Variants in SEPTIN7 observed in about 807,000 individuals in gnomAD.
SEPTIN7 encodes septin 7.
SEPTIN7 carries 10 observed loss-of-function variants against 63.3 expected under a neutral mutation model. That is an observed-to-expected ratio of 0.16 (90% CI 0.10 to 0.27). SEPTIN7 has a LOEUF of 0.27. Ranked by LOEUF, SEPTIN7 falls within the 10% of genes least tolerant of loss-of-function variation. The pLI, the probability that SEPTIN7 is intolerant of heterozygous loss-of-function variation, is 1.00. For synonymous variants in SEPTIN7, 131 were observed against 165.3 expected (o/e 0.79, Z 1.59); for missense variants, 310 against 521.0 (o/e 0.59, Z 3.94).
intron 3 of SEPTIN7, among the ~76,000 whole-genome samples, chr7:35,858,751 G>A (rs572705393): frequency 8.8e-4 from 133 of 151,070 alleles, no homozygotes; most frequent in African/African-American, 3.1e-3. Flanking sequence ...CACGATCTCG[G>A]CTCACTGCAA....
chr7:35,864,739 A>T (rs1785709300), intron 4 of SEPTIN7, among the ~76,000 whole-genome samples: 1 of 152,142 alleles, frequency 6.6e-6, no homozygotes, highest in East Asian at 1.9e-4. Context: ...TTGATTAAAA[A>T]TATTGTTGGT....
intron 9 of SEPTIN7, 85 bp from the exon 10 acceptor site, chr7:35,885,743 T>C: frequency 1.9e-6 from 2 of 1,033,614 alleles, no homozygotes; most frequent in South Asian, 2.8e-5. Context: ...TTCTTGTTTT[T>C]ACACCCCAAG....
chr7:35,888,153 A>G (rs1046790332), intron 10 of SEPTIN7, among the ~76,000 whole-genome samples: 2 of 152,350 alleles, frequency 1.3e-5, no homozygotes, highest in African/African-American at 4.8e-5. Context: ...AAGAGTTACG[A>G]TATCAGCAAT....
intron 8 of SEPTIN7, 49 bp downstream of exon 8, chr7:35,882,625 C>T (rs768683430): frequency 2.3e-6 from 3 of 1,286,426 alleles, no homozygotes; most frequent in Middle Eastern, 2.8e-4. Flanking sequence ...GCCTTAAAAA[C>T]ATACTACAGC....
chr7:35,803,506 A>G (rs2115622563), intron 1 of SEPTIN7, among the ~76,000 whole-genome samples: 1 of 152,332 alleles, frequency 6.6e-6, no homozygotes, highest in South Asian at 2.1e-4. Flanking sequence ...GGTAGAGCAG[A>G]TTAGTTTCAG....
chr7:35,882,488 T>C lies in SEPTIN7; in HGVS notation c.635T>C (p.Met212Thr). ...TGACTACTTCTTCCATTTTAGATAA[T>C]GAAAGAAATCCAAGAACATAAAATT... ...EECQQFKKQI[M>T]KEIQEHKIKI... Residue 212 changes from methionine to threonine, a missense_variant, in exon 8 of 14, where the codon ATG (methionine) becomes ACG (threonine). By Grantham distance (81) the Met-to-Thr change is moderately conservative (BLOSUM62 -1). Transcript: ENST00000350320. 6.8e-7 allele frequency: 1 copy of C among 1,463,954 alleles called. No individual in the cohort carries two copies. Among genetic ancestry groups the C allele is most frequent in the Non-Finnish European group, 9.1e-7 (1 of 1,094,458 alleles). 90.7% of individuals were successfully genotyped at this position (1,463,954 alleles called of 1,614,324 possible). A position where few individuals can be genotyped will look rare whatever the true frequency, so the allele number is the denominator to read the frequency against.
At chr7:35,830,408 T>G (rs1783774610) in intron 1 of SEPTIN7, among the ~76,000 whole-genome samples, 1 of 152,116 alleles carries the variant, frequency 6.6e-6, no homozygotes, top group South Asian at 2.1e-4. Context: ...TGGAACTACT[T>G]GAGGAGCTTT....
intron 2 of SEPTIN7, chr7:35,832,101 A>T: frequency 2.2e-6 from 1 of 454,304 alleles, no homozygotes; most frequent in Non-Finnish European, 4.4e-6. Context: ...TTACTCACGA[A>T]ACTATTGTTG....
the SEPTIN7 span, among the ~76,000 whole-genome samples, chr7:35,914,989 T>C: frequency 6.6e-6 from 1 of 152,034 alleles, no homozygotes; most frequent in South Asian, 2.1e-4. Context: ...TATGCATGCG[T>C]GTGTACACAT....
chr7:35,903,693 A>T (rs1006410987), intron 13 of SEPTIN7, among the ~76,000 whole-genome samples: 1 of 152,200 alleles, frequency 6.6e-6, no homozygotes, highest in Non-Finnish European at 1.5e-5. Context: ...CTCTTAATTT[A>T]TACAAAATTC....
intron 1 of SEPTIN7, among the ~76,000 whole-genome samples, chr7:35,823,801 C>G (rs1783356765): frequency 6.6e-6 from 1 of 152,136 alleles, no homozygotes; most frequent in African/African-American, 2.4e-5. Flanking sequence ...TAGTCTCTCT[C>G]TCTATTCTTA....
chr7:35,909,133 T>G (rs1248780426), downstream of SEPTIN7, among the ~76,000 whole-genome samples: 3 of 152,202 alleles, frequency 2.0e-5, no homozygotes, highest in Non-Finnish European at 4.4e-5. Context: ...AATTTTTTTT[T>G]CCTTAGGGAT....
downstream of SEPTIN7, among the ~76,000 whole-genome samples, chr7:35,907,555 T>C (rs1788653704): frequency 6.6e-6 from 1 of 152,104 alleles, no homozygotes; most frequent in East Asian, 1.9e-4. Flanking sequence ...AGTAGCTTAT[T>C]CAATAGGTGG....
chr7:35,904,363 T>C lies in SEPTIN7; in HGVS notation c.*70T>C, dbSNP rs1157340543. 1 of 1,304,372 alleles carries C rather than the reference T, an allele frequency of 7.7e-7. No individual in the cohort carries two copies. The highest frequency in any genetic ancestry group is 2.6e-4 in the Middle Eastern group (1 of 3,818). 80.8% of individuals were successfully genotyped at this position (1,304,372 alleles called of 1,614,324 possible). ...AGCTTGGACATCAGTGTTTGTTGGA[T>C]CCGTTTGACCAATTTGCACCAGTTT... On this transcript the variant is annotated 3_prime_UTR_variant, in exon 14 of 14. Coordinates refer to ENST00000350320, the MANE Select transcript of SEPTIN7 (RefSeq NM_001788.6).
intron 4 of SEPTIN7, among the ~76,000 whole-genome samples, chr7:35,864,770 A>G (rs2715604): frequency 0.52 from 78,509 of 151,898 alleles, 21,988 homozygotes; most frequent in Admixed American, 0.63. Context: ...TATGTGATAT[A>G]TAGGACATGA....
At chr7:35,898,201 A>AT (rs1583650074) in intron 11 of SEPTIN7, 47 bp from the exon 12 acceptor site, 1 of 1,419,828 alleles carries the variant, frequency 7.0e-7, no homozygotes, top group Non-Finnish European at 9.3e-7. Context: ...CTGTATTATA[A>AT]TTTTTATTCA....
At chr7:35,803,123 T>C (rs1459213540) in intron 1 of SEPTIN7, 18 of 949,502 alleles carry the variant, frequency 1.9e-5, no homozygotes, top group Non-Finnish European at 2.3e-5. Context: ...AAAGAAAGGA[T>C]ATTGTCTTTT....
the SEPTIN7 span, among the ~76,000 whole-genome samples, chr7:35,915,043 G>A: frequency 1.3e-5 from 2 of 149,550 alleles, no homozygotes; most frequent in Non-Finnish European, 3.0e-5. Flanking sequence ...GTACATATAT[G>A]TATATATGTA....
At chr7:35,811,253 T>G (rs986814550) in intron 1 of SEPTIN7, among the ~76,000 whole-genome samples, 2 of 152,156 alleles carry the variant, frequency 1.3e-5, no homozygotes, top group African/African-American at 4.8e-5. Context: ...ATTTATTACA[T>G]GTAACATTTT....
Sources: gnomAD v4.1 joint callset for allele counts (sites outside exome capture counted in the v4.1 genomes callset) on GRCh38, gnomAD v4.1.1 for gene constraint, MANE v1.5 for transcripts, NCBI Gene and HGNC (gene_info 2026-07-23, HGNC 2026-07-21) for gene names.